KLHL29: variants seen among roughly 807,000 people sequenced by gnomAD.
KLHL29 encodes the protein kelch like family member 29.
A neutral mutation model predicts 80.4 loss-of-function variants in KLHL29; 21 were observed. The observed-to-expected ratio is 0.26, with a 90% confidence interval of 0.19 to 0.38. KLHL29 has a LOEUF of 0.38. Ranked by LOEUF, KLHL29 falls within the 10% of genes least tolerant of loss-of-function variation. The probability of loss-of-function intolerance (pLI) is 1.00; values close to 1 mark genes in which losing one functional copy is unlikely to be tolerated. For missense variants in KLHL29, 867 were observed against 1,223.9 expected (o/e 0.71, Z 4.35); for synonymous variants, 511 against 526.8 (o/e 0.97, Z 0.41).
intron 2 of KLHL29, among the ~76,000 whole-genome samples, chr2:23,530,745 CA>C (rs1204542384): frequency 6.6e-6 from 1 of 152,170 alleles, no homozygotes; most frequent in African/African-American, 2.4e-5. Context: ...TGCCCCCGCC[CA>C]GCTGCCAAGC....
Position 23,591,092 on chromosome 2 carries a change from G to A in KLHL29, c.285+28611G>A, listed in dbSNP as rs553063499. Among the ~76,000 whole-genome samples the A allele has an allele frequency of 6.6e-5, 10 of 152,266 alleles. No individual in the cohort carries two copies. In the South Asian group the frequency reaches 1.2e-3, roughly 19 times the overall value. On this transcript the variant is annotated intron_variant, in intron 3 of 13. Transcript: ENST00000486442. ...AGCGCCAGGCCGGAAGGTGGGGAGC[G>A]CTGCGACTTTAAACAGCACACTCAG...
At position 23,419,738 on chromosome 2, in the gene KLHL29, G is replaced by A. The variant is rs377413370; in HGVS notation, c.-154+33958G>A. Among the ~76,000 whole-genome samples the A allele has an allele frequency of 5.0e-4, 76 of 152,276 alleles. 2 individuals carry two copies. In the East Asian group the frequency reaches 7.3e-3, roughly 15 times the overall value. On this transcript the variant is annotated intron_variant, in intron 1 of 13. Coordinates refer to ENST00000486442, the MANE Select transcript of KLHL29 (RefSeq NM_052920.2). Reference sequence around the variant, plus strand: ...GAGGCCCGTGTCGCAGTGGGGCTGGGGTCTGAGGGCTCCCGTGGGCTGCGC... The same window carrying A: ...GAGGCCCGTGTCGCAGTGGGGCTGGAGTCTGAGGGCTCCCGTGGGCTGCGC...
intron 1 of KLHL29, among the ~76,000 whole-genome samples, chr2:23,460,868 C>A (rs757624854): frequency 3.7e-4 from 57 of 152,284 alleles, no homozygotes; most frequent in Middle Eastern, 6.8e-3. Flanking sequence ...GTGAAGGGAG[C>A]ATCGTGCAAG....
intron 3 of KLHL29, among the ~76,000 whole-genome samples, chr2:23,602,258 T>C (rs1012754279): frequency 1.3e-5 from 2 of 152,146 alleles, no homozygotes; most frequent in African/African-American, 4.8e-5. Context: ...CCAGAGCATC[T>C]CCTGAGTCAT....
At chr2:23,416,622 G>T (rs1177380820) in intron 1 of KLHL29, among the ~76,000 whole-genome samples, 1 of 152,200 alleles carries the variant, frequency 6.6e-6, no homozygotes, top group Non-Finnish European at 1.5e-5. Context: ...TCTGTCAATA[G>T]ATCCATTGTC....
At chr2:23,403,101 T>C (rs1448093942) in intron 1 of KLHL29, among the ~76,000 whole-genome samples, 1 of 152,062 alleles carries the variant, frequency 6.6e-6, no homozygotes, top group Non-Finnish European at 1.5e-5. Flanking sequence ...TTAACAGTGG[T>C]CATCTTTCTA....
In KLHL29 at chr2:23,457,823, C is replaced by T. The variant is rs1239482850; in HGVS notation, c.-153-17737C>T. Among the ~76,000 whole-genome samples the T allele has an allele frequency of 1.3e-5, 2 of 152,094 alleles. No homozygotes were observed. The highest frequency in any genetic ancestry group is 3.9e-4 in the East Asian group (2 of 5,180). ...GGTCAGGAGATCGAGACCATCCTGG[C>T]TAACACAGTGAAACCCTGTCTCTAC... is the stretch of plus-strand genomic sequence containing the variant. On this transcript the variant is annotated intron_variant, in intron 1 of 13. Coordinates refer to ENST00000486442, the MANE Select transcript of KLHL29 (RefSeq NM_052920.2). This position sits in a 1 kb window ranked among gnomAD's most constrained non-coding sequence, Gnocchi z 4.3.
intron 3 of KLHL29, among the ~76,000 whole-genome samples, chr2:23,628,856 G>A (rs934098456): frequency 2.0e-5 from 3 of 151,998 alleles, no homozygotes; most frequent in Non-Finnish European, 4.4e-5. Flanking sequence ...TGTGATGTGC[G>A]TCTGCGAGTC....
rs530429722 is a variant in KLHL29 at position 23,621,966 on chromosome 2, C to T, written c.286-17173C>T. ...TGTAAATGTATGTAAGAACAGGACACGTGAGAGAGAAAGTCTGGTCCAAAA... is the reference window on the plus strand; with the variant it reads ...TGTAAATGTATGTAAGAACAGGACATGTGAGAGAGAAAGTCTGGTCCAAAA... On this transcript the variant is annotated intron_variant, in intron 3 of 13. Coordinates refer to ENST00000486442, the MANE Select transcript of KLHL29 (RefSeq NM_052920.2). Among the ~76,000 whole-genome samples the T allele has an allele frequency of 1.1e-4, 17 of 152,306 alleles. No individual in the cohort carries two copies. In the South Asian group the frequency reaches 2.9e-3, roughly 26 times the overall value.
At chr2:23,498,487 C>A (rs1255265127) in intron 2 of KLHL29, among the ~76,000 whole-genome samples, 1 of 152,224 alleles carries the variant, frequency 6.6e-6, no homozygotes, top group Non-Finnish European at 1.5e-5. Flanking sequence ...AAGCAGGGAG[C>A]TCCAGGCCTT....
At chr2:23,559,316 C>T (rs1408198150) in intron 2 of KLHL29, among the ~76,000 whole-genome samples, 3 of 152,036 alleles carry the variant, frequency 2.0e-5, no homozygotes, top group African/African-American at 7.2e-5. Context: ...AGAGTTGGAA[C>T]CTTATATTGA....
chr2:23,509,796 G>A (rs867241685), intron 2 of KLHL29, among the ~76,000 whole-genome samples: 1 of 152,168 alleles, frequency 6.6e-6, no homozygotes, highest in African/African-American at 2.4e-5. Flanking sequence ...TGTGACCCGG[G>A]GGGTGGTGGG....
chr2:23,540,749 A>G (rs922840820), intron 2 of KLHL29, among the ~76,000 whole-genome samples: 13 of 152,200 alleles, frequency 8.5e-5, no homozygotes, highest in African/African-American at 2.9e-4. Context: ...GACCTCGTCC[A>G]TCCCTCCTCC....
chr2:23,543,779 G>A (rs1327667412), intron 2 of KLHL29, among the ~76,000 whole-genome samples: 3 of 152,236 alleles, frequency 2.0e-5, no homozygotes, highest in Non-Finnish European at 2.9e-5. Context: ...TTTCCTCGGA[G>A]GAATTGCGTC....
At chr2:23,661,039 AAAAG>A (rs576286125) in intron 5 of KLHL29, among the ~76,000 whole-genome samples, 25 of 150,866 alleles carry the variant, frequency 1.7e-4, no homozygotes, top group Admixed American at 4.6e-4. Flanking sequence ...TTCAGAAAAA[AAAAG>A]AGAGAGAGAG....
intron 4 of KLHL29, among the ~76,000 whole-genome samples, chr2:23,641,389 G>C (rs370503951): frequency 2.1e-4 from 32 of 152,174 alleles, no homozygotes; most frequent in African/African-American, 7.7e-4. Context: ...CTTTCCATAC[G>C]TCCCCCACCA....
intron 2 of KLHL29, among the ~76,000 whole-genome samples, chr2:23,520,999 C>CA (rs373540154): frequency 2.0e-5 from 3 of 147,742 alleles, no homozygotes; most frequent in Non-Finnish European, 2.9e-5. Flanking sequence ...ACCACCCCCC[C>CA]CCCCGCTCCC....
At chr2:23,551,443 A>G (rs1381018875) in intron 2 of KLHL29, among the ~76,000 whole-genome samples, 1 of 152,166 alleles carries the variant, frequency 6.6e-6, no homozygotes, top group Non-Finnish European at 1.5e-5. Flanking sequence ...TTCTTTTAAT[A>G]TTGTTCATCT....
At chr2:23,687,288 G>A (rs1671305971) in intron 6 of KLHL29, among the ~76,000 whole-genome samples, 1 of 152,140 alleles carries the variant, frequency 6.6e-6, no homozygotes, top group South Asian at 2.1e-4. Context: ...CCTCCCTGCT[G>A]TCCCCGCATC....
Sources: allele counts gnomAD v4.1 joint callset (sites outside exome capture counted in the v4.1 genomes callset), GRCh38; gene constraint gnomAD v4.1.1; non-coding constraint Gnocchi (gnomAD v3.1); transcripts MANE v1.5; gene names NCBI Gene and HGNC (gene_info 2026-07-23, HGNC 2026-07-21).